The following ABLIM1 variants were observed in gnomAD, a reference collection of about 807,000 sequenced individuals.
ABLIM1 encodes the protein actin-binding LIM protein 1.
In ABLIM1, 40 loss-of-function variants were observed where a neutral mutation model predicts 107.0. That is an observed-to-expected ratio of 0.37 (90% CI 0.29 to 0.49). The LOEUF (loss-of-function observed/expected upper bound fraction) is 0.49. ABLIM1 is among the 20% of genes least tolerant of loss of function. The pLI, the probability that ABLIM1 is intolerant of heterozygous loss-of-function variation, is 0.97. For synonymous variants in ABLIM1, 357 were observed against 357.3 expected (o/e 1.00, Z 0.01); for missense variants, 857 against 1,008.5 (o/e 0.85, Z 2.04).
At chr10:114,694,109 G>A (rs1040140718) in intron 1 of ABLIM1, among the ~76,000 whole-genome samples, 1 of 152,100 alleles carries the variant, frequency 6.6e-6, no homozygotes, top group Admixed American at 6.5e-5. Context: ...AATAATATTC[G>A]GTTGATAAAA....
chr10:114,587,563 G>A (rs1398551893), intron 2 of ABLIM1, among the ~76,000 whole-genome samples: 1 of 152,088 alleles, frequency 6.6e-6, no homozygotes, highest in Non-Finnish European at 1.5e-5. Context: ...AATGTTTAAA[G>A]TGCCATCTTT....
chr10:114,493,697 T>G (rs1234637006), intron 6 of ABLIM1, among the ~76,000 whole-genome samples: 1 of 84,152 alleles, frequency 1.2e-5, no homozygotes, highest in East Asian at 3.2e-4. Context: ...TAATAACAAC[T>G]AATAAACCCT....
intron 4 of ABLIM1, among the ~76,000 whole-genome samples, chr10:114,566,653 T>G (rs1421680052): frequency 6.6e-6 from 1 of 152,236 alleles, no homozygotes; most frequent in Non-Finnish European, 1.5e-5. Flanking sequence ...TAATGTTTAT[T>G]GCTTATTGGA....
chr10:114,768,082 C>G (rs1467194190), upstream of ABLIM1: 2 of 429,268 alleles, frequency 4.7e-6, no homozygotes, highest in South Asian at 3.2e-5. Flanking sequence ...ATGGTGCAGG[C>G]AGCGGGAGCC....
rs45596641 is a variant in ABLIM1, at chr10:114,432,325, T to G, written c.*3935A>C. 1 of 152,296 alleles carries G rather than the reference T, an allele frequency of 6.6e-6. No homozygotes were observed. Among genetic ancestry groups the G allele is most frequent in the Non-Finnish European group, 1.5e-5 (1 of 68,022 alleles). The allele number at this position is 152,296 out of a possible 1,614,324, so 9.4% of individuals were successfully genotyped here. Reference sequence around the variant, plus strand: ...ATTGCTTCAGAGGACACAGGAGGGTTGATGAGACAGTCTATTTTCCTTCCA... The same window carrying G: ...ATTGCTTCAGAGGACACAGGAGGGTGGATGAGACAGTCTATTTTCCTTCCA... On this transcript the variant is annotated 3_prime_UTR_variant, in exon 23 of 23. Coordinates refer to ENST00000533213, the MANE Select transcript of ABLIM1 (RefSeq NM_002313.7).
chr10:114,582,054 T>C (rs950275287), intron 2 of ABLIM1, among the ~76,000 whole-genome samples: 3 of 151,906 alleles, frequency 2.0e-5, no homozygotes, highest in Non-Finnish European at 2.9e-5. Context: ...GTCATCCAAA[T>C]AGGAAAAAAA....
At chr10:114,694,350 T>C (rs1419483552) in intron 1 of ABLIM1, among the ~76,000 whole-genome samples, 2 of 152,164 alleles carry the variant, frequency 1.3e-5, no homozygotes, top group Admixed American at 1.3e-4. Flanking sequence ...CCACAGTTGC[T>C]GGCTCCTGGA....
intron 6 of ABLIM1, among the ~76,000 whole-genome samples, chr10:114,514,884 G>C (rs1343417705): frequency 6.6e-6 from 1 of 152,188 alleles, no homozygotes; most frequent in Non-Finnish European, 1.5e-5. Context: ...GCCTGTCATT[G>C]AGACCTACCC....
At position 114,641,878 on chromosome 10, in the gene ABLIM1, G is replaced by GTTGTTTTGTTTTGTTTTGTT. The variant is rs554920018; in HGVS notation, c.244+16059_244+16078dup. On this transcript the variant is annotated intron_variant, in intron 1 of 22. Transcript: ENST00000533213. The stretch of plus-strand genomic sequence containing the variant: ...TAAAGGGCCTTGGCTTTTCCCCTAA[G>GTTGTTTTGTTTTGTTTTGTT]TTGTTTTGTTTTGTTTTGTTTTGAG... Among the ~76,000 whole-genome samples, 751 of 151,844 alleles carry GTTGTTTTGTTTTGTTTTGTT rather than the reference G, an allele frequency of 4.9e-3. 10 individuals are homozygous for GTTGTTTTGTTTTGTTTTGTT. The highest frequency in any genetic ancestry group is 0.018 in the African/African-American group (723 of 41,286).
At chr10:114,504,098 AT>A (rs766073412) in intron 6 of ABLIM1, among the ~76,000 whole-genome samples, 11 of 152,234 alleles carry the variant, frequency 7.2e-5, no homozygotes, top group Non-Finnish European at 1.3e-4. Flanking sequence ...ACACAAAAAA[AT>A]TGGGTTTAGA....
chr10:114,734,537 C>T (rs578144644), intron 1 of ABLIM1, among the ~76,000 whole-genome samples: 1 of 152,188 alleles, frequency 6.6e-6, no homozygotes, highest in East Asian at 1.9e-4. Flanking sequence ...AATCCTCCTT[C>T]TCTGGAAGGC....
intron 1 of ABLIM1, among the ~76,000 whole-genome samples, chr10:114,674,297 A>AC (rs980888193): frequency 6.6e-6 from 1 of 151,980 alleles, no homozygotes; most frequent in African/African-American, 2.4e-5. Context: ...CACAAAAAAA[A>AC]AAAAAAAAAA....
In ABLIM1 at chr10:114,631,458, G is replaced by A. The variant is rs571922731; in HGVS notation, c.244+26499C>T. ...AACAACCCAGCTTCTCCTTTCAGCC[G>A]GATCTAGCGAGGCCTGGGCATGTCC... On this transcript the variant is annotated intron_variant, in intron 1 of 22. Coordinates refer to ENST00000533213, the MANE Select transcript of ABLIM1 (RefSeq NM_002313.7). Among the ~76,000 whole-genome samples, 12 of 152,226 alleles carry A rather than the reference G, an allele frequency of 7.9e-5. No individual in the cohort carries two copies. The East Asian group carries it at 1.2e-3, about 15-fold the overall frequency.
intron 1 of ABLIM1, among the ~76,000 whole-genome samples, chr10:114,765,524 C>A (rs1248822139): frequency 6.6e-6 from 1 of 152,108 alleles, no homozygotes; most frequent in African/African-American, 2.4e-5. Context: ...GCTTCTGGTC[C>A]TATAAGCTTA....
chr10:114,562,963 A>G (rs2069988906), intron 4 of ABLIM1, among the ~76,000 whole-genome samples: 1 of 152,232 alleles, frequency 6.6e-6, no homozygotes, highest in African/African-American at 2.4e-5. Flanking sequence ...AATATGTTCT[A>G]ATGGAAATCA....
intron 1 of ABLIM1, among the ~76,000 whole-genome samples, chr10:114,695,491 T>C (rs1056681280): frequency 2.6e-5 from 4 of 152,114 alleles, no homozygotes; most frequent in Non-Finnish European, 4.4e-5. Flanking sequence ...ATCCATTCTC[T>C]TTCTACAAAT....
the ABLIM1 span, among the ~76,000 whole-genome samples, chr10:114,786,657 A>G: frequency 2.6e-5 from 4 of 152,222 alleles, no homozygotes; most frequent in African/African-American, 9.6e-5. Context: ...TGTATTTACC[A>G]CTGACCATGT....
chr10:114,792,113 G>T, the ABLIM1 span, among the ~76,000 whole-genome samples: 3 of 152,320 alleles, frequency 2.0e-5, no homozygotes, highest in Admixed American at 1.3e-4. Context: ...TTGAGTTCAG[G>T]AGTTCAAGAC....
chr10:114,748,442 G>A (rs1437300838), intron 1 of ABLIM1, among the ~76,000 whole-genome samples: 3 of 152,116 alleles, frequency 2.0e-5, no homozygotes, highest in Non-Finnish European at 4.4e-5. Flanking sequence ...AGACAACAAT[G>A]AAAATGTTAT....
Sources: allele counts gnomAD v4.1 joint callset (sites outside exome capture counted in the v4.1 genomes callset), GRCh38; gene constraint gnomAD v4.1.1; transcripts MANE v1.5; gene names NCBI Gene and HGNC (gene_info 2026-07-23, HGNC 2026-07-21).